LSAMP: variants seen among roughly 807,000 people sequenced by gnomAD.
LSAMP encodes limbic system-associated membrane protein.
LSAMP carries 7 observed loss-of-function variants against 38.6 expected under a neutral mutation model. That is an observed-to-expected ratio of 0.18 (90% confidence interval 0.10 to 0.34). The LOEUF (loss-of-function observed/expected upper bound fraction) is 0.34, where lower values mean the gene tolerates loss of function less well. Ranked by LOEUF, LSAMP falls within the 10% of genes least tolerant of loss-of-function variation. The probability of loss-of-function intolerance (pLI) is 1.00; values close to 1 mark genes in which losing one functional copy is unlikely to be tolerated. For synonymous variants in LSAMP, 154 were observed against 166.8 expected, an observed-to-expected ratio of 0.92 and a Z score of 0.59; for missense variants, 313 against 420.0, an observed-to-expected ratio of 0.75 and a Z score of 2.23.
intron 1 of LSAMP, among the ~76,000 whole-genome samples, chr3:116,430,304 A>G (rs1032327496): frequency 1.3e-5 from 2 of 152,210 alleles, no homozygotes; most frequent in African/African-American, 4.8e-5. Flanking sequence ...TTCCAAATGA[A>G]ATTCTTCATA....
intron 6 of LSAMP, among the ~76,000 whole-genome samples, chr3:115,815,360 TGAG>T (rs1344169551): frequency 6.6e-6 from 1 of 152,182 alleles, no homozygotes; most frequent in East Asian, 1.9e-4. Flanking sequence ...CCATATCCCC[TGAG>T]GATAAGTGGG....
At chr3:116,421,387 T>G (rs762015947) in intron 1 of LSAMP, among the ~76,000 whole-genome samples, 6 of 151,980 alleles carry the variant, frequency 3.9e-5, no homozygotes, top group Non-Finnish European at 8.8e-5. Flanking sequence ...CTGGCCAACA[T>G]GGTGAAACCC....
In LSAMP at chr3:116,083,654, G is replaced by A. The variant is rs115837630; in HGVS notation, c.388+2670C>T. The stretch of plus-strand genomic sequence containing the variant: ...GAACTGAATTTGCAGAAACCATGGC[G>A]GATGATCATGGCAGGACATAAAAAA... On this transcript the variant is annotated intron_variant, in intron 2 of 6. Coordinates refer to ENST00000490035, the MANE Select transcript of LSAMP (RefSeq NM_002338.5). Among the ~76,000 whole-genome samples the A allele has an allele frequency of 6.0e-3, 920 of 152,268 alleles. 15 individuals are homozygous for A. Among genetic ancestry groups the A allele is most frequent in the African/African-American group, 0.021 (863 of 41,536 alleles).
chr3:115,991,863 G>A (rs972156399), intron 3 of LSAMP, among the ~76,000 whole-genome samples: 1 of 152,066 alleles, frequency 6.6e-6, no homozygotes, highest in Non-Finnish European at 1.5e-5. Context: ...AATAAATACT[G>A]TTGCAAGCTC....
intron 2 of LSAMP, among the ~76,000 whole-genome samples, chr3:116,022,882 G>C (rs1327571890): frequency 6.6e-6 from 1 of 152,094 alleles, no homozygotes; most frequent in African/African-American, 2.4e-5. Flanking sequence ...ACAAACTCAG[G>C]ACTAAAGTCA....
intron 1 of LSAMP, among the ~76,000 whole-genome samples, chr3:116,247,437 G>C (rs1447788043): frequency 6.6e-6 from 1 of 152,122 alleles, no homozygotes; most frequent in Non-Finnish European, 1.5e-5. Flanking sequence ...CACACTAATT[G>C]ATAGACTGAA....
intron 3 of LSAMP, among the ~76,000 whole-genome samples, chr3:116,000,444 G>A (rs1263081482): frequency 6.6e-6 from 1 of 152,172 alleles, no homozygotes; most frequent in African/African-American, 2.4e-5. Context: ...TCATGAATCA[G>A]CAGCTGTACC....
intron 3 of LSAMP, among the ~76,000 whole-genome samples, chr3:116,017,388 A>G (rs1303764469): frequency 6.6e-6 from 1 of 152,064 alleles, no homozygotes. Flanking sequence ...CCCTTCTTTT[A>G]TCTACCACCT....
At chr3:116,397,345 C>T (rs906703487) in intron 1 of LSAMP, among the ~76,000 whole-genome samples, 1 of 151,562 alleles carries the variant, frequency 6.6e-6, no homozygotes, top group African/African-American at 2.4e-5. Flanking sequence ...TTCTTTCAAC[C>T]TAGAGTGCTT....
intron 1 of LSAMP, among the ~76,000 whole-genome samples, chr3:116,126,659 C>T (rs1308074750): frequency 2.0e-5 from 3 of 151,976 alleles, no homozygotes; most frequent in African/African-American, 4.8e-5. Context: ...GCCAGGAGGT[C>T]GAGACCAGTC....
chr3:116,066,907 A>ATT (rs540761030), intron 2 of LSAMP, among the ~76,000 whole-genome samples: 110 of 150,116 alleles, frequency 7.3e-4, no homozygotes, highest in African/African-American at 2.5e-3. Flanking sequence ...GCCTGCCCCC[A>ATT]TTTTTTTTTG....
intron 1 of LSAMP, among the ~76,000 whole-genome samples, chr3:116,402,634 A>T (rs2048853581): frequency 6.6e-6 from 1 of 152,136 alleles, no homozygotes; most frequent in African/African-American, 2.4e-5. Context: ...ACACATATAC[A>T]GACATACGTA....
intron 6 of LSAMP, among the ~76,000 whole-genome samples, chr3:115,818,790 T>TTATATACATATATATATATATATATA (rs1467152356): frequency 4.2e-4 from 29 of 69,778 alleles, no homozygotes; most frequent in African/African-American, 1.1e-3. Flanking sequence ...AGTTGTACTT[T>TTATATACATATATATATATATATATA]TATATATATA....
At chr3:116,439,755 G>C (rs1024642404) in intron 1 of LSAMP, among the ~76,000 whole-genome samples, 3 of 152,108 alleles carry the variant, frequency 2.0e-5, no homozygotes, top group Admixed American at 6.5e-5. Flanking sequence ...ACGGAGTCTC[G>C]CTCTGTCGCC....
intron 1 of LSAMP, among the ~76,000 whole-genome samples, chr3:116,207,321 T>C (rs1359932203): frequency 1.3e-5 from 2 of 152,234 alleles, no homozygotes; most frequent in East Asian, 3.8e-4. Context: ...TTGGGTTTCC[T>C]GAATACAGCA....
At chr3:116,063,338 G>A (rs1941628605) in intron 2 of LSAMP, among the ~76,000 whole-genome samples, 1 of 152,086 alleles carries the variant, frequency 6.6e-6, no homozygotes, top group Non-Finnish European at 1.5e-5. Flanking sequence ...GGTACACCCT[G>A]AAGAACAAAA....
At chr3:116,310,281 G>T (rs1293805195) in intron 1 of LSAMP, among the ~76,000 whole-genome samples, 1 of 152,112 alleles carries the variant, frequency 6.6e-6, no homozygotes, top group African/African-American at 2.4e-5. Flanking sequence ...TCAAGGACAA[G>T]AGAAGTCACA....
At chr3:116,379,425 T>C (rs940159252) in intron 1 of LSAMP, among the ~76,000 whole-genome samples, 2 of 151,912 alleles carry the variant, frequency 1.3e-5, no homozygotes, top group African/African-American at 4.8e-5. Flanking sequence ...GAGTAGAGTA[T>C]ATATTATTGG....
intron 1 of LSAMP, among the ~76,000 whole-genome samples, chr3:116,253,417 A>C (rs2046710867): frequency 6.6e-6 from 1 of 152,182 alleles, no homozygotes; most frequent in African/African-American, 2.4e-5. Context: ...TTTTTCCTAG[A>C]ACATTACATA....
Sources: gnomAD v4.1 joint callset for allele counts (sites outside exome capture counted in the v4.1 genomes callset) on GRCh38, gnomAD v4.1.1 for gene constraint, MANE v1.5 for transcripts, NCBI Gene and HGNC (gene_info 2026-07-23, HGNC 2026-07-21) for gene names.